Variants in PIK3C2G observed in about 807,000 individuals in gnomAD.
The protein encoded by PIK3C2G is phosphatidylinositol 3-kinase C2 domain-containing subunit gamma.
In PIK3C2G, 168 loss-of-function variants were observed where a neutral mutation model predicts 181.1. That is an observed-to-expected ratio of 0.93 (90% CI 0.82 to 1.05). The LOEUF is 1.05. Ranked by LOEUF, PIK3C2G falls within the 50% of genes least tolerant of loss-of-function variation. The probability of loss-of-function intolerance (pLI) is 0.00; values close to 1 mark genes in which losing one functional copy is unlikely to be tolerated. For synonymous variants in PIK3C2G, 573 were observed against 592.2 expected (o/e 0.97, Z 0.47); for missense variants, 1,869 against 1,732.8 (o/e 1.08, Z -1.40).
intron 18 of PIK3C2G, among the ~76,000 whole-genome samples, chr12:18,460,177 C>T (rs1947839668): frequency 6.6e-6 from 1 of 152,108 alleles, no homozygotes. Flanking sequence ...GAATCTGACA[C>T]TTAATAATTG....
intron 18 of PIK3C2G, among the ~76,000 whole-genome samples, chr12:18,453,694 CAA>C (rs1947482006): frequency 1.3e-5 from 2 of 151,888 alleles, no homozygotes; most frequent in African/African-American, 4.8e-5. Context: ...TTTTAAACAA[CAA>C]AAAGAGACCC....
intron 16 of PIK3C2G, among the ~76,000 whole-genome samples, chr12:18,410,551 C>T (rs1012291696): frequency 6.6e-5 from 10 of 151,460 alleles, no homozygotes; most frequent in African/African-American, 9.7e-5. Flanking sequence ...GATTAGGATC[C>T]ATTGGCTTTG....
intron 18 of PIK3C2G, among the ~76,000 whole-genome samples, chr12:18,485,570 C>G (rs1046245409): frequency 6.6e-6 from 1 of 152,100 alleles, no homozygotes; most frequent in Non-Finnish European, 1.5e-5. Flanking sequence ...GTTGTCATAA[C>G]TTACACTTTA....
chr12:18,693,447 T>C, the PIK3C2G span: 13 of 1,605,764 alleles, frequency 8.1e-6, no homozygotes, highest in Non-Finnish European at 1.1e-5. Flanking sequence ...GGGGTCATTC[T>C]CTGTGGTCCA....
intron 29 of PIK3C2G, among the ~76,000 whole-genome samples, chr12:18,584,312 T>G (rs929842416): frequency 1.3e-5 from 2 of 152,086 alleles, no homozygotes; most frequent in African/African-American, 4.8e-5. Flanking sequence ...TGAGCCACCA[T>G]GCCTGGCTAA....
At chr12:18,281,112 T>C (rs1394133907) in intron 1 of PIK3C2G, among the ~76,000 whole-genome samples, 2 of 151,774 alleles carry the variant, frequency 1.3e-5, no homozygotes, top group Non-Finnish European at 2.9e-5. Flanking sequence ...ATGGAGCTAT[T>C]GATTAAGTAA....
intron 24 of PIK3C2G, 107 bp downstream of exon 24, chr12:18,505,568 T>TC: frequency 1.5e-6 from 1 of 652,998 alleles, no homozygotes; most frequent in Non-Finnish European, 2.4e-6. Context: ...ATCTCTCAAA[T>TC]CCCCCCAGGT....
chr12:18,545,542 A>G (rs1173636097), intron 25 of PIK3C2G, among the ~76,000 whole-genome samples: 1 of 151,834 alleles, frequency 6.6e-6, no homozygotes, highest in Non-Finnish European at 1.5e-5. Context: ...TTTAGTTTAG[A>G]AAGTTCTATT....
chr12:18,368,636 T>C (rs1340755126), intron 12 of PIK3C2G, among the ~76,000 whole-genome samples: 1 of 152,200 alleles, frequency 6.6e-6, no homozygotes, highest in African/African-American at 2.4e-5. Flanking sequence ...CTTTAATTCT[T>C]TATTGTCTTA....
rs537794875 is a variant in PIK3C2G at position 18,641,413 on chromosome 12, A to G, written c.4308+859A>G. ...GCCCTCAGGCTCTCGTGCCTGGATC[A>G]GTTATACAGCAGCACTACTGACCAC... On this transcript the variant is annotated intron_variant, in intron 32 of 32. Coordinates refer to ENST00000538779, the MANE Select transcript of PIK3C2G (RefSeq NM_001288772.2). Among the ~76,000 whole-genome samples, 8 of 152,276 alleles carry G rather than the reference A, an allele frequency of 5.3e-5. No individual in the cohort carries two copies. In the East Asian group the frequency reaches 1.5e-3, roughly 29 times the overall value.
intron 5 of PIK3C2G, among the ~76,000 whole-genome samples, chr12:18,297,632 C>A (rs1565569189): frequency 1.3e-5 from 2 of 151,894 alleles, no homozygotes; most frequent in Non-Finnish European, 2.9e-5. Flanking sequence ...GGAACTGATT[C>A]ATTCTATCTA....
At chr12:18,700,863 T>C in the PIK3C2G span, among the ~76,000 whole-genome samples, 1 of 152,186 alleles carries the variant, frequency 6.6e-6, no homozygotes, top group Non-Finnish European at 1.5e-5. Context: ...GTATTATTAA[T>C]ATTGAATCTT....
At chr12:18,491,624 T>C (rs1857538610) in intron 20 of PIK3C2G, 66 bp downstream of exon 20, 3 of 872,588 alleles carry the variant, frequency 3.4e-6, no homozygotes, top group Non-Finnish European at 5.5e-6. Context: ...TCATTGTATA[T>C]GTTTGAAATG....
the PIK3C2G span, among the ~76,000 whole-genome samples, chr12:18,702,494 A>G: frequency 6.6e-6 from 1 of 152,092 alleles, no homozygotes; most frequent in Non-Finnish European, 1.5e-5. Context: ...TATAAAGTAA[A>G]GTTCTTTTCT....
chr12:18,511,571 G>T (rs1172318948), intron 24 of PIK3C2G, among the ~76,000 whole-genome samples: 1 of 151,974 alleles, frequency 6.6e-6, no homozygotes, highest in African/African-American at 2.4e-5. Flanking sequence ...TTGATAATTA[G>T]TGATGCCTAA....
At chr12:18,471,503 C>T (rs1295615410) in intron 18 of PIK3C2G, among the ~76,000 whole-genome samples, 1 of 152,176 alleles carries the variant, frequency 6.6e-6, no homozygotes, top group Non-Finnish European at 1.5e-5. Flanking sequence ...TTTCAGGTAA[C>T]TGTTGCCTGA....
chr12:18,604,854 G>A (rs181338007), intron 30 of PIK3C2G, among the ~76,000 whole-genome samples: 87 of 152,240 alleles, frequency 5.7e-4, no homozygotes, highest in African/African-American at 1.9e-3. Flanking sequence ...CTGAATGACA[G>A]TAATGACACA....
chr12:18,322,403 T>C (rs1031204207), intron 7 of PIK3C2G, among the ~76,000 whole-genome samples: 18 of 150,998 alleles, frequency 1.2e-4, no homozygotes, highest in African/African-American at 4.4e-4. Flanking sequence ...TAATAATTAA[T>C]TTAAAAATAA....
At chr12:18,558,619 T>C (rs1349772717) in intron 26 of PIK3C2G, among the ~76,000 whole-genome samples, 1 of 152,202 alleles carries the variant, frequency 6.6e-6, no homozygotes, top group Non-Finnish European at 1.5e-5. Context: ...TAGTCATTCA[T>C]CTGCCTCTGA....
Sources: allele counts gnomAD v4.1 joint callset (sites outside exome capture counted in the v4.1 genomes callset), GRCh38; gene constraint gnomAD v4.1.1; transcripts MANE v1.5; gene names NCBI Gene and HGNC (gene_info 2026-07-23, HGNC 2026-07-21).